The following RGS7 variants were observed in gnomAD, a reference collection of about 807,000 sequenced individuals.
RGS7 encodes regulator of G-protein signaling 7.
RGS7 carries 27 observed loss-of-function variants against 81.1 expected under a neutral mutation model. The observed-to-expected ratio is 0.33, with a 90% CI of 0.25 to 0.46. The LOEUF (loss-of-function observed/expected upper bound fraction) is 0.46, where lower values mean the gene tolerates loss of function less well. Ranked by LOEUF, RGS7 falls within the 20% of genes least tolerant of loss-of-function variation. The pLI, the probability that RGS7 is intolerant of heterozygous loss-of-function variation, is 1.00. For missense variants in RGS7, 396 were observed against 607.4 expected (o/e 0.65, Z 3.66); for synonymous variants, 208 against 207.7 (o/e 1.00, Z -0.01).
At chr1:240,898,714 A>G (rs542434590) in intron 6 of RGS7, among the ~76,000 whole-genome samples, 10 of 152,270 alleles carry the variant, frequency 6.6e-5, no homozygotes, top group African/African-American at 1.7e-4. Flanking sequence ...TATGTGGTCA[A>G]TTTTGGAATA....
rs761475957 is a variant in RGS7 at position 240,983,100 on chromosome 1, T to C, written c.205A>G (p.Asn69Asp). ...GSDIVQWLIKNLTIEDPVEAL... is the reference protein window; with the variant it reads ...GSDIVQWLIKDLTIEDPVEAL... ...TTACCTGGATCTTCTATAGTTAAGT[T>C]CTTTATCAACCATTGAACAATGTCT... The change falls in exon 4 of 19, where the codon AAC (asparagine) becomes GAC (aspartate). Residue 69 changes from asparagine (N) to aspartate (D), a missense_variant. Physicochemically the swap from Asn to Asp is conservative, Grantham distance 23. Coordinates refer to ENST00000440928, the MANE Select transcript of RGS7 (RefSeq NM_001364886.1). The C allele has an allele frequency of 1.3e-6, 2 of 1,546,366 alleles. No individual in the cohort carries two copies. The highest frequency in any genetic ancestry group is 1.1e-5 in the South Asian group (1 of 88,508).
At chr1:240,943,005 T>A (rs1191356104) in intron 4 of RGS7, among the ~76,000 whole-genome samples, 1 of 151,868 alleles carries the variant, frequency 6.6e-6, no homozygotes, top group Non-Finnish European at 1.5e-5. Context: ...TTCATCTTTT[T>A]AAAAAAAACA....
chr1:241,264,010 T>A (rs1398027739), intron 2 of RGS7, among the ~76,000 whole-genome samples: 2 of 152,170 alleles, frequency 1.3e-5, no homozygotes, highest in Non-Finnish European at 2.9e-5. Flanking sequence ...AAGAAATAAT[T>A]GATAATCCAG....
At chr1:240,869,670 T>C (rs1664121661) in intron 7 of RGS7, among the ~76,000 whole-genome samples, 1 of 152,216 alleles carries the variant, frequency 6.6e-6, no homozygotes, top group African/African-American at 2.4e-5. Context: ...CTGGGCGTGG[T>C]GGCTCGTGCC....
intron 2 of RGS7, among the ~76,000 whole-genome samples, chr1:241,338,015 G>T (rs1028921893): frequency 6.6e-6 from 1 of 152,070 alleles, no homozygotes; most frequent in Non-Finnish European, 1.5e-5. Flanking sequence ...TCCTCAAAAC[G>T]TCAGTTATTT....
intron 2 of RGS7, among the ~76,000 whole-genome samples, chr1:241,106,127 CAG>C (rs1177552328): frequency 1.3e-5 from 2 of 152,144 alleles, no homozygotes; most frequent in East Asian, 3.9e-4. Context: ...TCAGTGAAAA[CAG>C]AGAAAGTAGA....
chr1:240,951,629 C>G (rs1161116261), intron 4 of RGS7, among the ~76,000 whole-genome samples: 1 of 151,810 alleles, frequency 6.6e-6, no homozygotes, highest in Non-Finnish European at 1.5e-5. Context: ...ACAAAAAGAA[C>G]AACAATAACA....
intron 4 of RGS7, among the ~76,000 whole-genome samples, chr1:240,959,514 C>T (rs1210734270): frequency 6.6e-6 from 1 of 152,166 alleles, no homozygotes. Flanking sequence ...TACTCTATAC[C>T]ATTATGATAG....
chr1:240,995,204 G>A (rs1687083017), intron 3 of RGS7, among the ~76,000 whole-genome samples: 1 of 152,080 alleles, frequency 6.6e-6, no homozygotes, highest in Non-Finnish European at 1.5e-5. Context: ...CTTGGTTATG[G>A]TGTATAATTA....
intron 2 of RGS7, among the ~76,000 whole-genome samples, chr1:241,258,132 C>CT (rs535228585): frequency 6.6e-6 from 1 of 151,930 alleles, no homozygotes; most frequent in Non-Finnish European, 1.5e-5. Flanking sequence ...AAGTTTATTT[C>CT]TTTTTTTATT....
At chr1:241,194,342 A>AT (rs1176717996) in intron 2 of RGS7, among the ~76,000 whole-genome samples, 1 of 152,166 alleles carries the variant, frequency 6.6e-6, no homozygotes, top group Non-Finnish European at 1.5e-5. Context: ...CTGAAATATA[A>AT]TTTTTTAAAG....
chr1:240,933,368 T>C (rs1220939465), intron 5 of RGS7, among the ~76,000 whole-genome samples: 2 of 152,066 alleles, frequency 1.3e-5, no homozygotes, highest in East Asian at 3.8e-4. Context: ...AAAAATATTC[T>C]CAACTGCATT....
At chr1:240,909,317 T>A (rs1019572464) in intron 6 of RGS7, among the ~76,000 whole-genome samples, 1 of 152,238 alleles carries the variant, frequency 6.6e-6, no homozygotes, top group Non-Finnish European at 1.5e-5. Flanking sequence ...ATTTCACCAA[T>A]AAAATATGTA....
At chr1:241,336,178 A>G (rs185597959) in intron 2 of RGS7, among the ~76,000 whole-genome samples, 2 of 152,310 alleles carry the variant, frequency 1.3e-5, no homozygotes, top group African/African-American at 4.8e-5. Context: ...TTGATGGCAC[A>G]TCAGATTCGC....
At chr1:241,176,349 T>C (rs2071142436) in intron 2 of RGS7, among the ~76,000 whole-genome samples, 1 of 152,132 alleles carries the variant, frequency 6.6e-6, no homozygotes, top group Non-Finnish European at 1.5e-5. Flanking sequence ...TCCAGGACAT[T>C]ATTTTAAAAA....
intron 2 of RGS7, among the ~76,000 whole-genome samples, chr1:241,129,617 G>C (rs960280170): frequency 1.3e-5 from 2 of 152,190 alleles, no homozygotes; most frequent in African/African-American, 4.8e-5. Context: ...CACCGGCAGA[G>C]AGAATAAAAC....
intron 2 of RGS7, among the ~76,000 whole-genome samples, chr1:241,146,385 C>G (rs1252651256): frequency 1.3e-5 from 2 of 152,182 alleles, no homozygotes; most frequent in Non-Finnish European, 2.9e-5. Flanking sequence ...ATATAAGAGA[C>G]TTGAGCATCT....
intron 3 of RGS7, among the ~76,000 whole-genome samples, chr1:240,992,054 G>A (rs542324455): frequency 1.3e-5 from 2 of 152,202 alleles, no homozygotes; most frequent in Admixed American, 6.5e-5. Context: ...TTGACAGGTA[G>A]AGATAATACT....
At chr1:241,097,587 C>T (rs1192207344) in intron 3 of RGS7, among the ~76,000 whole-genome samples, 2 of 152,092 alleles carry the variant, frequency 1.3e-5, no homozygotes, top group Admixed American at 1.3e-4. Context: ...CCATGAAGCA[C>T]CCTTCCCAGC....
Sources: gnomAD v4.1 joint callset for allele counts (sites outside exome capture counted in the v4.1 genomes callset) on GRCh38, gnomAD v4.1.1 for gene constraint, MANE v1.5 for transcripts, NCBI Gene and HGNC (gene_info 2026-07-23, HGNC 2026-07-21) for gene names.